CABLES1: variants seen among roughly 807,000 people sequenced by gnomAD.
The protein encoded by CABLES1 is CDK5 and ABL1 enzyme substrate 1.
A neutral mutation model predicts 57.8 loss-of-function variants in CABLES1; 36 were observed. That is an observed-to-expected ratio of 0.62 (90% CI 0.48 to 0.82). The LOEUF (loss-of-function observed/expected upper bound fraction) is 0.82. Ranked by LOEUF, CABLES1 falls within the 40% of genes least tolerant of loss-of-function variation. The probability of loss-of-function intolerance (pLI) is 0.00; values close to 1 mark genes in which losing one functional copy is unlikely to be tolerated. For synonymous variants in CABLES1, 374 were observed against 363.0 expected, an observed-to-expected ratio of 1.03 and a Z score of -0.35; for missense variants, 767 against 836.6, an observed-to-expected ratio of 0.92 and a Z score of 1.03.
At chr18:23,244,084 C>T (rs909842894) in intron 7 of CABLES1, among the ~76,000 whole-genome samples, 3 of 152,128 alleles carry the variant, frequency 2.0e-5, no homozygotes, top group Non-Finnish European at 2.9e-5. Flanking sequence ...TGACGTTCCA[C>T]GCAGTTTGGC....
At chr18:23,217,448 C>T (rs2047450448) in intron 4 of CABLES1, among the ~76,000 whole-genome samples, 1 of 152,114 alleles carries the variant, frequency 6.6e-6, no homozygotes, top group Non-Finnish European at 1.5e-5. Context: ...CAGAAAAGAA[C>T]ATGTTCGTTT....
chr18:23,155,690 G>A (rs1463971452), intron 1 of CABLES1: 4 of 660,244 alleles, frequency 6.1e-6, no homozygotes, highest in East Asian at 3.1e-5. Context: ...GGGGCGGCAG[G>A]ACCTCATGTG....
Position 23,135,919 on chromosome 18 carries a change from CG to C in CABLES1, c.159del (p.Lys54SerfsTer79). The C allele has an allele frequency of 9.1e-7, 1 of 1,096,042 alleles. No homozygotes were observed. The highest frequency in any genetic ancestry group is 5.0e-5 in the Admixed American group (1 of 19,924). 67.9% of individuals were successfully genotyped at this position (1,096,042 alleles called of 1,614,324 possible). ...GGCCCAGCCGCCGCCCGAACCCCCC[CG>C]GAAGCCGCGCATGGACCCGCGGCGC... is the stretch of plus-strand genomic sequence containing the variant. ...APAQPPPEPPRKPRMDPRRRQ... is the reference protein window; with the variant it reads ...APAQPPPEPPXKPRMDPRRRQ... On this transcript the variant is annotated frameshift_variant, in exon 1 of 10. Coordinates refer to ENST00000256925, the MANE Select transcript of CABLES1 (RefSeq NM_001100619.3). LOFTEE classifies it high-confidence loss of function.
intron 1 of CABLES1, among the ~76,000 whole-genome samples, chr18:23,141,200 C>G (rs545050414): frequency 4.6e-5 from 7 of 152,308 alleles, no homozygotes; most frequent in African/African-American, 1.7e-4. Context: ...GTGGCCTGCC[C>G]AAGGCCAGTT....
At chr18:23,219,054 C>A (rs776581969) in intron 4 of CABLES1, 3 of 390,002 alleles carry the variant, frequency 7.7e-6, no homozygotes, top group South Asian at 3.7e-5. Flanking sequence ...CCCACCCCCC[C>A]GCAAGTGCCT....
chr18:23,174,479 C>CTTTTTTTTTTTTTTTT (rs979810121), intron 1 of CABLES1, among the ~76,000 whole-genome samples: 8 of 148,220 alleles, frequency 5.4e-5, no homozygotes, highest in African/African-American at 2.0e-4. Context: ...GTGTTTAAAA[C>CTTTTTTTTTTTTTTTT]TTTTTTTTTT....
chr18:23,220,009 T>C (rs980627169), intron 4 of CABLES1, among the ~76,000 whole-genome samples: 1 of 152,176 alleles, frequency 6.6e-6, no homozygotes, highest in Non-Finnish European at 1.5e-5. Flanking sequence ...TTCATCACCC[T>C]GGGCTTGGGA....
At chr18:23,144,132 A>G (rs2046876228) in intron 1 of CABLES1, among the ~76,000 whole-genome samples, 3 of 152,256 alleles carry the variant, frequency 2.0e-5, no homozygotes, top group South Asian at 4.1e-4. Context: ...TGCTCTCCCC[A>G]TGCTCGTACA....
chr18:23,161,752 TCCAAA>T (rs1405680714), intron 1 of CABLES1, among the ~76,000 whole-genome samples: 3 of 23,442 alleles, frequency 1.3e-4, no homozygotes, highest in South Asian at 1.4e-3. Context: ...CTACTAAAAA[TCCAAA>T]AAAAAAAAAA....
chr18:23,194,331 C>A, intron 2 of CABLES1, 117 bp from the exon 3 acceptor site: 1 of 637,380 alleles, frequency 1.6e-6, no homozygotes, highest in South Asian at 2.0e-5. Flanking sequence ...CGGACTCCTG[C>A]CTGCTTTGGG....
chr18:23,216,848 T>C (rs896323792), intron 4 of CABLES1, among the ~76,000 whole-genome samples: 1 of 152,176 alleles, frequency 6.6e-6, no homozygotes, highest in South Asian at 2.1e-4. Context: ...TGTCTGTTCA[T>C]GCCTGGGTCT....
chr18:23,214,099 T>C (rs1159352030), intron 4 of CABLES1, 45 bp downstream of exon 4: 2 of 1,358,092 alleles, frequency 1.5e-6, no homozygotes, highest in African/African-American at 1.4e-5. Context: ...GGTGAAAAGA[T>C]CTCACACCAA....
chr18:23,224,511 A>G (rs570185908), intron 4 of CABLES1, among the ~76,000 whole-genome samples: 11 of 150,118 alleles, frequency 7.3e-5, no homozygotes, highest in African/African-American at 2.4e-4. Flanking sequence ...AAGCTGTAGT[A>G]GATATTCATT....
intron 1 of CABLES1, among the ~76,000 whole-genome samples, chr18:23,174,313 T>C (rs1017419363): frequency 2.0e-5 from 3 of 152,234 alleles, no homozygotes; most frequent in Admixed American, 6.5e-5. Context: ...AGAATAATAC[T>C]GCATTTCATT....
Position 23,136,010 on chromosome 18 carries a change from C to G in CABLES1, c.248C>G (p.Ala83Gly). 1.8e-6 allele frequency: 2 copies of G among 1,138,444 alleles called. No homozygotes were observed. The highest frequency in any genetic ancestry group is 2.2e-6 in the Non-Finnish European group (2 of 929,112). 70.5% of individuals were successfully genotyped at this position (1,138,444 alleles called of 1,614,324 possible). ...SLDGRLPPQD[A>G]EWGGGEEGGA... ...GACGGCCGGCTGCCGCCGCAGGACGCGGAGTGGGGCGGTGGCGAGGAGGGC... is the reference window on the plus strand; with the variant it reads ...GACGGCCGGCTGCCGCCGCAGGACGGGGAGTGGGGCGGTGGCGAGGAGGGC... The change falls in exon 1 of 10, where the codon GCG becomes GGG. Residue 83 changes from alanine to glycine, a missense_variant. Ala to Gly is a moderately conservative substitution (Grantham distance 60, BLOSUM62 0). Coordinates refer to ENST00000256925, the MANE Select transcript of CABLES1 (RefSeq NM_001100619.3).
chr18:23,214,403 A>C (rs1235506823), intron 4 of CABLES1, among the ~76,000 whole-genome samples: 1 of 152,156 alleles, frequency 6.6e-6, no homozygotes, highest in African/African-American at 2.4e-5. Flanking sequence ...AATCAGAACA[A>C]ACCCTGTGAC....
At chr18:23,208,732 GACA>G (rs2047382383) in intron 3 of CABLES1, among the ~76,000 whole-genome samples, 3 of 152,152 alleles carry the variant, frequency 2.0e-5, no homozygotes, top group African/African-American at 7.2e-5. Flanking sequence ...GGGTGATTAA[GACA>G]ACAACAAGGA....
At chr18:23,182,094 A>G (rs2047171339) in intron 1 of CABLES1, among the ~76,000 whole-genome samples, 1 of 152,104 alleles carries the variant, frequency 6.6e-6, no homozygotes, top group African/African-American at 2.4e-5. Flanking sequence ...GTGAGTAGAG[A>G]GGTGGTTGGC....
intron 1 of CABLES1, among the ~76,000 whole-genome samples, chr18:23,177,072 C>T (rs1360822326): frequency 6.6e-6 from 1 of 152,114 alleles, no homozygotes; most frequent in Non-Finnish European, 1.5e-5. Context: ...TCTTCAAATC[C>T]CACAGAGCTA....
Sources: allele counts gnomAD v4.1 joint callset (sites outside exome capture counted in the v4.1 genomes callset), GRCh38; gene constraint gnomAD v4.1.1; transcripts MANE v1.5; gene names NCBI Gene and HGNC (gene_info 2026-07-23, HGNC 2026-07-21).